PRKCE: variants seen among roughly 807,000 people sequenced by gnomAD.
The protein encoded by PRKCE is protein kinase C epsilon, also known as protein kinase C epsilon type.
PRKCE carries 16 observed loss-of-function variants against 85.4 expected under a neutral mutation model. The ratio of observed to expected loss-of-function variants is 0.19; its 90% CI spans 0.13 to 0.28. PRKCE has a LOEUF of 0.28. Ranked by LOEUF, PRKCE falls within the 10% of genes least tolerant of loss-of-function variation. The probability of loss-of-function intolerance (pLI) is 1.00; values close to 1 mark genes in which losing one functional copy is unlikely to be tolerated. For synonymous variants in PRKCE, 388 were observed against 371.5 expected (o/e 1.04, Z -0.51); for missense variants, 573 against 975.2 (o/e 0.59, Z 5.49).
intron 2 of PRKCE, among the ~76,000 whole-genome samples, chr2:45,872,507 G>A (rs1573694578): frequency 1.3e-5 from 2 of 152,218 alleles, no homozygotes; most frequent in South Asian, 4.1e-4. Flanking sequence ...TGGCTGCTGT[G>A]TAAGAATGGG....
At chr2:45,792,926 G>A (rs978186448) in intron 1 of PRKCE, among the ~76,000 whole-genome samples, 1 of 152,154 alleles carries the variant, frequency 6.6e-6, no homozygotes, top group African/African-American at 2.4e-5. Context: ...AGCCTCCAGA[G>A]TAGCTGGGAT....
At chr2:46,115,509 A>G (rs562964949) in intron 11 of PRKCE, among the ~76,000 whole-genome samples, 12 of 152,304 alleles carry the variant, frequency 7.9e-5, no homozygotes, top group Admixed American at 5.9e-4. Flanking sequence ...CAGAAGCCCC[A>G]TTTCTCTTCA....
chr2:45,917,077 A>G (rs995321265), intron 2 of PRKCE, among the ~76,000 whole-genome samples: 21 of 152,180 alleles, frequency 1.4e-4, no homozygotes, highest in African/African-American at 5.1e-4. Context: ...TGGCTCAGGC[A>G]GCCTGCTTTT....
chr2:45,843,051 T>C lies in PRKCE; in HGVS notation c.400T>C (p.Ser134Pro). The C allele has an allele frequency of 2.5e-6, 4 of 1,614,122 alleles. No individual in the cohort carries two copies. The highest frequency in any genetic ancestry group is 3.4e-6 in the Non-Finnish European group (4 of 1,180,002). ...GTATGTGATCATCGATCTCTCAGGG[T>C]CGTCGGGTGAAGGTAGGAGAGCGTG... ...RVYVIIDLSGSSGEAPKDNEE... is the reference protein window; with the variant it reads ...RVYVIIDLSGPSGEAPKDNEE... Residue 134 changes from serine (S) to proline (P), a missense_variant, in exon 2 of 15, where the codon TCG becomes CCG. This residue lies in a region of PRKCE where 33 missense variants were observed against 33.7 expected (regional missense o/e 0.98). Transcript: ENST00000306156.
intron 1 of PRKCE, among the ~76,000 whole-genome samples, chr2:45,791,298 C>T (rs147736109): frequency 6.5e-4 from 99 of 152,258 alleles, no homozygotes; most frequent in African/African-American, 2.1e-3. Flanking sequence ...TAACAGAACG[C>T]GAGAGATGGA....
At chr2:46,024,860 A>G (rs542873080) in intron 10 of PRKCE, among the ~76,000 whole-genome samples, 10 of 152,316 alleles carry the variant, frequency 6.6e-5, no homozygotes, top group Admixed American at 6.5e-4. Flanking sequence ...TAGATTCACC[A>G]GTGTTAACAC....
Position 46,041,286 on chromosome 2 carries a change from C to T in PRKCE, c.1437+30769C>T, listed in dbSNP as rs184711795. Among the ~76,000 whole-genome samples the T allele has an allele frequency of 6.2e-4, 95 of 152,292 alleles. No individual in the cohort carries two copies. The highest frequency in any genetic ancestry group is 2.1e-3 in the African/African-American group (88 of 41,570). The stretch of plus-strand genomic sequence containing the variant: ...ATTTTAAAGCAATATTAAAACAAAA[C>T]AAAATCCCTTTTCATGTAATGATTG... On this transcript the variant is annotated intron_variant, in intron 10 of 14. Transcript: ENST00000306156. This position sits in a 1 kb window ranked among gnomAD's most constrained non-coding sequence, Gnocchi z 5.5.
At chr2:45,753,630 G>A (rs553989969) in intron 1 of PRKCE, among the ~76,000 whole-genome samples, 10 of 152,048 alleles carry the variant, frequency 6.6e-5, no homozygotes, top group East Asian at 3.9e-4. Flanking sequence ...CGGCTGCTGC[G>A]CCCATAGCAT....
At chr2:45,964,765 G>T (rs1308181571) in intron 2 of PRKCE, among the ~76,000 whole-genome samples, 1 of 152,144 alleles carries the variant, frequency 6.6e-6, no homozygotes, top group Non-Finnish European at 1.5e-5. Context: ...TGAGATTGGG[G>T]TTTGGCATCT....
intron 2 of PRKCE, among the ~76,000 whole-genome samples, chr2:45,936,255 G>T (rs1333583008): frequency 6.6e-6 from 1 of 152,220 alleles, no homozygotes; most frequent in East Asian, 1.9e-4. Flanking sequence ...CTGGTATCAG[G>T]TTAAGAGGTT....
Position 45,977,274 on chromosome 2 carries a change from C to T in PRKCE, c.572+686C>T, listed in dbSNP as rs1364188343. 2.0e-5 allele frequency among the ~76,000 whole-genome samples: 3 copies of T among 152,106 alleles called. No homozygotes were observed. In the East Asian group the frequency reaches 5.8e-4, roughly 29 times the overall value. Reference sequence around the variant, plus strand: ...GAGGATTCCACTGAATAATAATCCACTGAAAAATAATTCACTGAATTATTT... The same window carrying T: ...GAGGATTCCACTGAATAATAATCCATTGAAAAATAATTCACTGAATTATTT... On this transcript the variant is annotated intron_variant, in intron 3 of 14. Coordinates refer to ENST00000306156, the MANE Select transcript of PRKCE (RefSeq NM_005400.3).
chr2:45,837,267 A>AT (rs762495724), intron 1 of PRKCE, among the ~76,000 whole-genome samples: 4 of 152,096 alleles, frequency 2.6e-5, no homozygotes, highest in Non-Finnish European at 5.9e-5. Flanking sequence ...AAGTTCTTTT[A>AT]TTTTTTTAAG....
chr2:45,670,222 T>A (rs1190583718), intron 1 of PRKCE, among the ~76,000 whole-genome samples: 2 of 152,224 alleles, frequency 1.3e-5, no homozygotes. Flanking sequence ...ATCATCTGAC[T>A]CTTTCCAAAT....
chr2:45,917,869 G>A (rs967876713), intron 2 of PRKCE, among the ~76,000 whole-genome samples: 46 of 152,256 alleles, frequency 3.0e-4, no homozygotes, highest in African/African-American at 9.9e-4. Flanking sequence ...CCCGTGGGCC[G>A]GCACTGCTGG....
At chr2:46,076,790 A>G (rs907289889) in intron 10 of PRKCE, among the ~76,000 whole-genome samples, 2 of 152,224 alleles carry the variant, frequency 1.3e-5, no homozygotes, top group African/African-American at 4.8e-5. Context: ...AACCATGTCT[A>G]CAGGCAATGG....
At chr2:45,764,441 C>G (rs561945225) in intron 1 of PRKCE, among the ~76,000 whole-genome samples, 43 of 152,320 alleles carry the variant, frequency 2.8e-4, no homozygotes, top group African/African-American at 9.9e-4. Flanking sequence ...AAATACTTAA[C>G]TAATTAATCT....
At chr2:45,713,012 A>G (rs879438453) in intron 1 of PRKCE, among the ~76,000 whole-genome samples, 23 of 152,312 alleles carry the variant, frequency 1.5e-4, no homozygotes, top group African/African-American at 5.3e-4. Context: ...AATGCGCATC[A>G]TGATTCAAAA....
chr2:46,107,284 G>C (rs1671822458), intron 11 of PRKCE, among the ~76,000 whole-genome samples: 1 of 152,088 alleles, frequency 6.6e-6, no homozygotes, highest in Non-Finnish European at 1.5e-5. Context: ...CTTTCACCTG[G>C]CAATATGCAC....
At chr2:45,749,484 T>A (rs1683381463) in intron 1 of PRKCE, among the ~76,000 whole-genome samples, 1 of 152,202 alleles carries the variant, frequency 6.6e-6, no homozygotes, top group Non-Finnish European at 1.5e-5. Context: ...CTTGGATGGA[T>A]GAATGTCTGA....
Sources: allele counts gnomAD v4.1 joint callset (sites outside exome capture counted in the v4.1 genomes callset), GRCh38; gene constraint gnomAD v4.1.1; regional missense constraint gnomAD v4.1.1; non-coding constraint Gnocchi (gnomAD v3.1); transcripts MANE v1.5; gene names NCBI Gene and HGNC (gene_info 2026-07-23, HGNC 2026-07-21).